Variants in FER observed in about 807,000 individuals in gnomAD.
The protein encoded by FER is FER tyrosine kinase, also known as tyrosine-protein kinase Fer.
In FER, 63 loss-of-function variants were observed where a neutral mutation model predicts 111.0. That is an observed-to-expected ratio of 0.57 (90% CI 0.46 to 0.70). The LOEUF is 0.70. Among genes scored for constraint, FER ranks in the 30% least tolerant of loss-of-function variants. The probability of loss-of-function intolerance (pLI) is 0.00; values close to 1 mark genes in which losing one functional copy is unlikely to be tolerated. For synonymous variants in FER, 327 were observed against 313.9 expected (o/e 1.04, Z -0.44); for missense variants, 914 against 954.0 (o/e 0.96, Z 0.55).
chr5:109,042,602 G>A (rs970718850), intron 14 of FER, among the ~76,000 whole-genome samples: 1 of 152,160 alleles, frequency 6.6e-6, no homozygotes, highest in Non-Finnish European at 1.5e-5. Context: ...CCTAGTACAT[G>A]CCAGTACCTC....
intron 18 of FER, among the ~76,000 whole-genome samples, chr5:109,181,303 C>T (rs905444063): frequency 1.3e-5 from 2 of 152,174 alleles, no homozygotes; most frequent in South Asian, 4.1e-4. Context: ...TTTAGTTTCT[C>T]ACTCTGAAAT....
chr5:108,934,852 G>T (rs543278077), intron 10 of FER, among the ~76,000 whole-genome samples: 1 of 152,108 alleles, frequency 6.6e-6, no homozygotes, highest in Admixed American at 6.6e-5. Context: ...GCAAGGTGTC[G>T]CTTTAGTTAG....
At chr5:108,839,467 G>A (rs1278491141) in intron 5 of FER, among the ~76,000 whole-genome samples, 1 of 152,002 alleles carries the variant, frequency 6.6e-6, no homozygotes, top group East Asian at 1.9e-4. Context: ...GAAGGGAATG[G>A]AAAGTATCTG....
chr5:109,129,303 G>C (rs1365703814), intron 17 of FER, among the ~76,000 whole-genome samples: 1 of 151,942 alleles, frequency 6.6e-6, no homozygotes, highest in Admixed American at 6.6e-5. Context: ...ATTTGTTACA[G>C]TTTAAGAGTT....
intron 13 of FER, among the ~76,000 whole-genome samples, chr5:108,971,285 A>C (rs1357108233): frequency 8.8e-6 from 1 of 113,550 alleles, no homozygotes; most frequent in Admixed American, 7.5e-5. Flanking sequence ...AAAAAAAAAA[A>C]AAAAAAAAAA....
intron 16 of FER, among the ~76,000 whole-genome samples, chr5:109,087,677 C>T (rs1387382652): frequency 3.4e-5 from 5 of 148,754 alleles, no homozygotes; most frequent in Non-Finnish European, 7.5e-5. Context: ...CCTCGGTGCA[C>T]TTTTTTTTTG....
intron 2 of FER, among the ~76,000 whole-genome samples, chr5:108,792,630 C>T (rs73207519): frequency 0.021 from 3,169 of 152,114 alleles, 112 homozygotes; most frequent in African/African-American, 0.073. Flanking sequence ...AGCCACTGCA[C>T]CTGGCCCTAA....
chr5:108,877,318 A>T (rs1320674967), intron 8 of FER, among the ~76,000 whole-genome samples: 1 of 152,212 alleles, frequency 6.6e-6, no homozygotes, highest in Non-Finnish European at 1.5e-5. Flanking sequence ...GGAAAAATGT[A>T]AAATATTGAA....
At chr5:108,999,362 G>A (rs901764950) in intron 13 of FER, among the ~76,000 whole-genome samples, 2 of 151,942 alleles carry the variant, frequency 1.3e-5, no homozygotes, top group African/African-American at 4.8e-5. Context: ...GTGTGGCTCT[G>A]GTTCATTTGT....
chr5:108,985,424 G>GT lies in FER; in HGVS notation c.1656+26086dup, dbSNP rs199822125. Among the ~76,000 whole-genome samples, 177 of 151,478 alleles carry GT rather than the reference G, an allele frequency of 1.2e-3. 1 individual carries two copies. Among genetic ancestry groups the GT allele is most frequent in the African/African-American group, 3.8e-3 (159 of 41,318 alleles). ...ATTTGTTTCTTTCCACTTTTTAAAA[G>GT]TTTTTTTTTCTCTCTTTCTTTTTAA... On this transcript the variant is annotated intron_variant, in intron 13 of 19. Transcript: ENST00000281092.
intron 8 of FER, 124 bp downstream of exon 8, chr5:108,872,336 G>T: frequency 1.2e-6 from 1 of 820,586 alleles, no homozygotes; most frequent in Non-Finnish European, 1.8e-6. Context: ...GGGTCAGAGT[G>T]ACATGTTTTG....
intron 3 of FER, among the ~76,000 whole-genome samples, chr5:108,802,881 T>C (rs1390717334): frequency 6.6e-6 from 1 of 152,206 alleles, no homozygotes; most frequent in Non-Finnish European, 1.5e-5. Flanking sequence ...CTAGGTCTAA[T>C]GGTAGTTCTG....
rs1018954512 is a variant in FER at position 108,969,680 on chromosome 5, T to C, written c.1656+10333T>C. ...TAAGAAATATTGAAAACATGGCACC[T>C]GTCCTCAAGCAAATATAAATTTTTA... is the stretch of plus-strand genomic sequence containing the variant. On this transcript the variant is annotated intron_variant, in intron 13 of 19. Transcript: ENST00000281092. 2.7e-5 allele frequency among the ~76,000 whole-genome samples: 4 copies of C among 147,086 alleles called. No individual in the cohort carries two copies. The East Asian group carries it at 7.7e-4, about 28-fold the overall frequency.
At chr5:108,809,607 G>A (rs1268662418) in intron 3 of FER, among the ~76,000 whole-genome samples, 3 of 152,158 alleles carry the variant, frequency 2.0e-5, no homozygotes, top group Non-Finnish European at 2.9e-5. Flanking sequence ...CTGTTGCCCA[G>A]GCTGGTGTGC....
chr5:109,180,917 AT>A lies in FER; in HGVS notation c.2203+26del, dbSNP rs149896807. The stretch of plus-strand genomic sequence containing the variant: ...CTTAATTATGGTAAGAATAGACCAC[AT>A]TTTTTTTTTAATGGTAAAAATGAAC... On this transcript the variant is annotated intron_variant, in intron 18 of 19. Coordinates refer to ENST00000281092, the MANE Select transcript of FER (RefSeq NM_005246.4). 0.045 allele frequency: 52,791 copies of A among 1,175,538 alleles called. 914 individuals carry two copies. The highest frequency in any genetic ancestry group is 0.11 in the East Asian group (3,909 of 34,498). The allele number at this position is 1,175,538 out of a possible 1,614,324, so 72.8% of individuals were successfully genotyped here. A position where few individuals can be genotyped will look rare whatever the true frequency, so the allele number is the denominator to read the frequency against.
intron 13 of FER, 127 bp from the exon 14 acceptor site, chr5:109,037,295 C>T (rs1472282137): frequency 3.0e-6 from 2 of 677,594 alleles, no homozygotes; most frequent in Admixed American, 5.2e-5. Context: ...TATAACTTCT[C>T]AGTGTGCTGT....
chr5:108,801,819 G>A (rs1756686069), intron 3 of FER, among the ~76,000 whole-genome samples: 2 of 151,884 alleles, frequency 1.3e-5, no homozygotes, highest in Admixed American at 6.6e-5. Context: ...CCAAATTACC[G>A]GCATCACTAT....
intron 9 of FER, among the ~76,000 whole-genome samples, chr5:108,889,714 C>T (rs1747729995): frequency 6.6e-6 from 1 of 151,646 alleles, no homozygotes; most frequent in Non-Finnish European, 1.5e-5. Flanking sequence ...GTGATGGATA[C>T]CCCGTTTACC....
rs756208627 is a variant in FER, at chr5:108,832,822, C to T, written c.260C>T (p.Thr87Ile). 3.1e-6 allele frequency: 5 copies of T among 1,596,502 alleles called. No homozygotes were observed. Among genetic ancestry groups the T allele is most frequent in the Non-Finnish European group, 4.3e-6 (5 of 1,171,702 alleles). Residue 87 changes from threonine (T) to isoleucine (I), a missense_variant, in exon 4 of 20, where the codon ACA becomes ATA. Around this residue, in one of 3 missense-constraint regions of FER, gnomAD observed 774 missense variants for 782.6 expected, o/e 0.99. Coordinates refer to ENST00000281092, the MANE Select transcript of FER (RefSeq NM_005246.4). The part of the protein sequence containing the change: ...QTEQLSRIMK[T>I]HAEDLNSGPL... The stretch of plus-strand genomic sequence containing the variant: ...GAACAACTTAGTAGGATAATGAAGA[C>T]ACATGCAGAGGACTTGAACTCTGGA...
Sources: allele counts gnomAD v4.1 joint callset (sites outside exome capture counted in the v4.1 genomes callset), GRCh38; gene constraint gnomAD v4.1.1; regional missense constraint gnomAD v4.1.1; transcripts MANE v1.5; gene names NCBI Gene and HGNC (gene_info 2026-07-23, HGNC 2026-07-21).